ZAP70: variants seen among roughly 807,000 people sequenced by gnomAD.
ZAP70 encodes the protein zeta chain of T cell receptor associated protein kinase 70, also known as tyrosine-protein kinase ZAP-70.
ZAP70 carries 27 observed loss-of-function variants against 65.8 expected under a neutral mutation model. The ratio of observed to expected loss-of-function variants is 0.41; its 90% CI spans 0.30 to 0.57. The LOEUF (loss-of-function observed/expected upper bound fraction) is 0.57. Among genes scored for constraint, ZAP70 ranks in the 20% least tolerant of loss-of-function variants. The pLI, the probability that ZAP70 is intolerant of heterozygous loss-of-function variation, is 0.28. For synonymous variants in ZAP70, 363 were observed against 360.8 expected (o/e 1.01, Z -0.07); for missense variants, 696 against 870.5 (o/e 0.80, Z 2.52).
At chr2:97,739,201 G>A (rs935463134) in intron 13 of ZAP70, among the ~76,000 whole-genome samples, 174 bp from the exon 14 acceptor site, 1 of 150,650 alleles carries the variant, frequency 6.6e-6, no homozygotes, top group Non-Finnish European at 1.5e-5. Context: ...ATTGCCCAAC[G>A]CTCTCACACC....
Position 97,737,690 on chromosome 2 carries a change from C to A in ZAP70, c.1482+25C>A. 6.2e-7 allele frequency: 1 copy of A among 1,614,022 alleles called. No individual in the cohort carries two copies. The highest frequency in any genetic ancestry group is 8.5e-7 in the Non-Finnish European group (1 of 1,179,986). Reference sequence around the variant, plus strand: ...TGTAAGCCTCTGCCCCTGTGATGCCCGACTGGATGGGCTGGGTGGGTAGAG... The same window carrying A: ...TGTAAGCCTCTGCCCCTGTGATGCCAGACTGGATGGGCTGGGTGGGTAGAG... On this transcript the variant is annotated intron_variant, in intron 11 of 13. Transcript: ENST00000264972. The surrounding 1 kb of genome is among the most constrained non-coding windows in gnomAD (Gnocchi z 5.0).
At chr2:97,747,169 A>G in the ZAP70 span, among the ~76,000 whole-genome samples, 21 of 152,346 alleles carry the variant, frequency 1.4e-4, no homozygotes, top group Admixed American at 6.5e-4. Flanking sequence ...AAAAATTTAA[A>G]CATAGATTAA....
intron 9 of ZAP70, 138 bp downstream of exon 9, chr2:97,734,850 C>A: frequency 8.3e-7 from 1 of 1,201,084 alleles, no homozygotes; most frequent in Non-Finnish European, 1.2e-6. Flanking sequence ...CAGGACGTTG[C>A]ACGCTGGAGG....
At chr2:97,740,128 C>T (rs72951165), downstream of ZAP70, among the ~76,000 whole-genome samples, 1,532 of 152,174 alleles carry the variant, frequency 0.01, 33 homozygotes, top group African/African-American at 0.035. Context: ...ATGAGTGTGC[C>T]CCATGCCAGG....
intron 2 of ZAP70, among the ~76,000 whole-genome samples, chr2:97,721,547 G>T (rs1352644252): frequency 6.6e-6 from 1 of 150,630 alleles, no homozygotes; most frequent in Non-Finnish European, 1.5e-5. Context: ...CCGAGTAGCT[G>T]GGACTACAGG....
At chr2:97,742,430 C>G (rs1278391673), downstream of ZAP70, among the ~76,000 whole-genome samples, 3 of 152,252 alleles carry the variant, frequency 2.0e-5, no homozygotes, top group Non-Finnish European at 4.4e-5. Context: ...GGCCTCATGC[C>G]CAGCACAGAG....
At position 97,739,418 on chromosome 2, in the gene ZAP70, C is replaced by T. The variant is rs55724897; in HGVS notation, c.1780C>T (p.Arg594Ter). The part of the protein sequence containing the change: ...PDFLTVEQRM[R>*]ACYYSLASKV... ...CTTCCTGACCGTGGAGCAGCGCATG[C>T]GAGCCTGTTACTACAGCCTGGCCAG... Residue 594 changes from arginine (R) to a stop codon, truncating the protein, a stop_gained, in exon 14 of 14, where the codon CGA (arginine) becomes TGA (stop). Coordinates refer to ENST00000264972, the MANE Select transcript of ZAP70 (RefSeq NM_001079.4). LOFTEE classifies it low-confidence loss of function (END_TRUNC). The T allele has an allele frequency of 2.5e-6, 4 of 1,613,696 alleles. No homozygotes were observed. The highest frequency in any genetic ancestry group is 3.4e-6 in the Non-Finnish European group (4 of 1,179,952).
At chr2:97,738,535 A>G (rs1447775680) in intron 13 of ZAP70, 1 of 256,648 alleles carries the variant, frequency 3.9e-6, no homozygotes, top group Admixed American at 4.8e-5. Context: ...CCAAATACTC[A>G]TCTATTCCAG....
chr2:97,732,940 G>A lies in ZAP70; in HGVS notation c.621G>A (p.Thr207=), dbSNP rs769646311. 31 of 1,614,104 alleles carry A rather than the reference G, an allele frequency of 1.9e-5. No individual in the cohort carries two copies. The highest frequency in any genetic ancestry group is 3.3e-5 in the Admixed American group (2 of 60,032). The change falls in exon 5 of 14, where the codon ACG becomes ACA. Residue 207 remains threonine (T), a synonymous_variant. Transcript: ENST00000264972. ...TYALSLIYGK[T]VYHYLISQDK... Reference sequence around the variant, plus strand: ...CCCTGTCCCTCATCTATGGGAAGACGGTGTACCACTACCTCATCAGCCAAG... The same window carrying A: ...CCCTGTCCCTCATCTATGGGAAGACAGTGTACCACTACCTCATCAGCCAAG...
Position 97,735,393 on chromosome 2 carries a change from C to T in ZAP70, c.1226C>T (p.Ala409Val), listed in dbSNP as rs780970275. Reference sequence around the variant, plus strand: ...CTCATTGGCGTCTGCCAGGCCGAGGCCCTCATGCTGGTCATGGAGATGGCT... The same window carrying T: ...CTCATTGGCGTCTGCCAGGCCGAGGTCCTCATGCTGGTCATGGAGATGGCT... Reference protein sequence around the residue: ...VRLIGVCQAEALMLVMEMAGG... With the variant: ...VRLIGVCQAEVLMLVMEMAGG... The change falls in exon 10 of 14, where the codon GCC becomes GTC. Residue 409 changes from alanine to valine, a missense_variant. Physicochemically the swap from Ala to Val is moderately conservative, Grantham distance 64 (BLOSUM62 0). Transcript: ENST00000264972. 3.1e-6 allele frequency: 5 copies of T among 1,613,942 alleles called. No individual in the cohort carries two copies. Among genetic ancestry groups the T allele is most frequent in the Middle Eastern group, 1.6e-4 (1 of 6,084 alleles).
At chr2:97,734,789 G>A (rs746814529) in intron 9 of ZAP70, 77 bp downstream of exon 9, 9 of 1,565,562 alleles carry the variant, frequency 5.7e-6, no homozygotes, top group Non-Finnish European at 7.9e-6. Context: ...TGTGGGACGG[G>A]AGCCGGGATG....
At chr2:97,749,554 G>C in the ZAP70 span, among the ~76,000 whole-genome samples, 1 of 152,214 alleles carries the variant, frequency 6.6e-6, no homozygotes, top group South Asian at 2.1e-4. Flanking sequence ...GCAGAAGCGG[G>C]AGGGGACTGA....
At chr2:97,749,158 C>G in the ZAP70 span, among the ~76,000 whole-genome samples, 1 of 151,950 alleles carries the variant, frequency 6.6e-6, no homozygotes, top group African/African-American at 2.4e-5. Flanking sequence ...TACAGGCGCC[C>G]GCCACCAAGC....
chr2:97,731,054 CAAAAAAAAA>C lies in ZAP70; in HGVS notation c.564-1816_564-1808del, dbSNP rs56688476. On this transcript the variant is annotated intron_variant, in intron 4 of 13. Coordinates refer to ENST00000264972, the MANE Select transcript of ZAP70 (RefSeq NM_001079.4). This position sits in a 1 kb window ranked among gnomAD's most constrained non-coding sequence, Gnocchi z 4.0. ...CGGGCTGTGGAGCGAGACTCGGTCT[CAAAAAAAAA>C]AAAAAAAAAAAAGAGACAGAGGAGG... Among the ~76,000 whole-genome samples, 1 of 52,396 alleles carries C rather than the reference CAAAAAAAAA, an allele frequency of 1.9e-5. No individual in the cohort carries two copies. Among genetic ancestry groups the C allele is most frequent in the African/African-American group, 6.6e-5 (1 of 15,216 alleles). 34.4% of individuals were successfully genotyped at this position (52,396 alleles called of 152,430 possible).
the ZAP70 span, among the ~76,000 whole-genome samples, chr2:97,745,422 T>C: frequency 6.6e-6 from 1 of 152,258 alleles, no homozygotes; most frequent in Non-Finnish European, 1.5e-5. Flanking sequence ...ATCATTTATC[T>C]GATAAGGATT....
chr2:97,713,589 C>G lies in ZAP70; in HGVS notation c.-186C>G, dbSNP rs2276645. The G allele has an allele frequency of 3.9e-5, 6 of 152,138 alleles. No individual in the cohort carries two copies. Among genetic ancestry groups the G allele is most frequent in the African/African-American group, 1.4e-4 (6 of 41,458 alleles). 9.4% of individuals were successfully genotyped at this position (152,138 alleles called of 1,614,324 possible). On this transcript the variant is annotated 5_prime_UTR_variant, in exon 1 of 14. Transcript: ENST00000264972. ...AGGAAATAGGTTAGTTTCAGACAAG[C>G]CTGCTTGCCGGAGCTCAGCAGACAC...
At chr2:97,748,919 C>T in the ZAP70 span, among the ~76,000 whole-genome samples, 1 of 151,922 alleles carries the variant, frequency 6.6e-6, no homozygotes, top group Admixed American at 6.6e-5. Context: ...TTGCGGATCT[C>T]ATGTGCTCTT....
In ZAP70 at chr2:97,735,252, A is replaced by G; in HGVS notation, c.1085A>G (p.Lys362Arg). The change falls in exon 10 of 14, where the codon AAG (lysine) becomes AGG (arginine). Residue 362 changes from lysine to arginine, a missense_variant and splice_region_variant. Coordinates refer to ENST00000264972, the MANE Select transcript of ZAP70 (RefSeq NM_001079.4). The part of the protein sequence containing the change: ...VRQGVYRMRK[K>R]QIDVAIKVLK... ...CCTCCCGTGGCCGGGTCGGGCAGGA[A>G]GCAGATCGACGTGGCCATCAAGGTG... is the stretch of plus-strand genomic sequence containing the variant. 1.2e-6 allele frequency: 2 copies of G among 1,613,818 alleles called. No homozygotes were observed. The highest frequency in any genetic ancestry group is 1.7e-6 in the Non-Finnish European group (2 of 1,179,922).
chr2:97,728,132 G>C (rs17033906), intron 4 of ZAP70, among the ~76,000 whole-genome samples: 28,751 of 152,254 alleles, frequency 0.19, 4,309 homozygotes, highest in African/African-American at 0.41. Context: ...TAACACAGCA[G>C]AGCTCATGAC....
Sources: allele counts gnomAD v4.1 joint callset (sites outside exome capture counted in the v4.1 genomes callset), GRCh38; gene constraint gnomAD v4.1.1; non-coding constraint Gnocchi (gnomAD v3.1); transcripts MANE v1.5; gene names NCBI Gene and HGNC (gene_info 2026-07-23, HGNC 2026-07-21).